ABAT: variants seen among roughly 807,000 people sequenced by gnomAD.
ABAT encodes 4-aminobutyrate aminotransferase, mitochondrial.
A neutral mutation model predicts 64.6 loss-of-function variants in ABAT; 45 were observed. That is an observed-to-expected ratio of 0.70 (90% CI 0.55 to 0.89). The LOEUF (loss-of-function observed/expected upper bound fraction) is 0.89, where lower values mean the gene tolerates loss of function less well. Among genes scored for constraint, ABAT ranks in the 40% least tolerant of loss-of-function variants. The probability of loss-of-function intolerance (pLI) is 0.00; values close to 1 mark genes in which losing one functional copy is unlikely to be tolerated. For missense variants in ABAT, 633 were observed against 658.4 expected, an observed-to-expected ratio of 0.96 and a Z score of 0.42; for synonymous variants, 297 against 250.5, an observed-to-expected ratio of 1.19 and a Z score of -1.75.
chr16:8,754,148 C>T (rs771584667), intron 5 of ABAT, among the ~76,000 whole-genome samples: 30 of 140,238 alleles, frequency 2.1e-4, no homozygotes, highest in Non-Finnish European at 4.2e-4. Flanking sequence ...AGTTTGAGAC[C>T]AGCCTAGCCA....
At chr16:8,684,952 T>A (rs1366837015) in intron 1 of ABAT, among the ~76,000 whole-genome samples, 2 of 150,390 alleles carry the variant, frequency 1.3e-5, no homozygotes, top group Non-Finnish European at 2.9e-5. Context: ...GTCTATCAGT[T>A]TTCTACAACT....
intron 9 of ABAT, among the ~76,000 whole-genome samples, chr16:8,766,861 C>A (rs984479446): frequency 6.6e-6 from 1 of 151,186 alleles, no homozygotes; most frequent in Non-Finnish European, 1.5e-5. Flanking sequence ...TCCAGCTACT[C>A]GGGAGGCTGA....
chr16:8,715,592 C>G (rs1176013967), intron 1 of ABAT: 1 of 144,944 alleles, frequency 6.9e-6, no homozygotes, highest in Admixed American at 7.0e-5. Context: ...ATGATCATGC[C>G]ACTGCACTCC....
chr16:8,722,896 T>G, intron 1 of ABAT: 2 of 1,281,648 alleles, frequency 1.6e-6, no homozygotes, highest in South Asian at 2.5e-5. Flanking sequence ...AATATGGAAC[T>G]CTTAGCACGC....
At chr16:8,775,330 G>A (rs1372648658) in intron 13 of ABAT, among the ~76,000 whole-genome samples, 1 of 152,174 alleles carries the variant, frequency 6.6e-6, no homozygotes, top group Non-Finnish European at 1.5e-5. Flanking sequence ...GCAGCAGACT[G>A]AGCATTTGCT....
chr16:8,776,246 C>G lies in ABAT; in HGVS notation c.1123-98C>G. 2 of 1,534,818 alleles carry G rather than the reference C, an allele frequency of 1.3e-6. No homozygotes were observed. The highest frequency in any genetic ancestry group is 1.8e-6 in the Non-Finnish European group (2 of 1,114,840). On this transcript the variant is annotated intron_variant, in intron 13 of 15. Transcript: ENST00000268251. The surrounding 1 kb of genome is among the most constrained non-coding windows in gnomAD (Gnocchi z 4.4). ...TGGTAGATGCCCACTAGATTAGTTT[C>G]TCTCCTCTTCAAGAGAGGAGGCGGG...
chr16:8,711,681 A>AGGAT (rs1250991902), intron 1 of ABAT, among the ~76,000 whole-genome samples: 1 of 105,788 alleles, frequency 9.5e-6, no homozygotes, highest in African/African-American at 4.0e-5. Flanking sequence ...GGTGGGTGGA[A>AGGAT]GGATGGATGG....
intron 2 of ABAT, chr16:8,738,471 G>C (rs1319795021): frequency 4.4e-6 from 2 of 455,628 alleles, no homozygotes; most frequent in South Asian, 1.5e-5. Flanking sequence ...ACATTGCATT[G>C]ATTTGTCTCA....
Position 8,772,384 on chromosome 16 carries a change from G to C in ABAT, c.817-396G>C, listed in dbSNP as rs114264903. Among the ~76,000 whole-genome samples the C allele has an allele frequency of 2.9e-3, 440 of 151,788 alleles. 1 individual carries two copies. The highest frequency in any genetic ancestry group is 1.0e-2 in the African/African-American group (413 of 41,346). ...TAACAAGGTTAAGTGACAGGTGCAT[G>C]TTCCATGTAAAACAGAGGCAGAACC... On this transcript the variant is annotated intron_variant, in intron 11 of 15. Coordinates refer to ENST00000268251, the MANE Select transcript of ABAT (RefSeq NM_020686.6).
rs1366928728 is a variant in ABAT at position 8,706,337 on chromosome 16, TA to T, written c.-41-29360del. ...GGGAGGATCACCTGAGCCCTGAAGG[TA>T]AGGCTGCAATGAGCTGTGATTTTAC... On this transcript the variant is annotated intron_variant, in intron 1 of 15. Transcript: ENST00000268251. 2.8e-5 allele frequency among the ~76,000 whole-genome samples: 4 copies of T among 141,592 alleles called. No individual in the cohort carries two copies. The Admixed American group carries it at 3.1e-4, about 11-fold the overall frequency. The allele number at this position is 141,592 out of a possible 152,430, so 92.9% of individuals were successfully genotyped here. A position where few individuals can be genotyped will look rare whatever the true frequency, so the allele number is the denominator to read the frequency against.
At chr16:8,715,714 TA>T (rs1166581531) in intron 1 of ABAT, 10 of 151,138 alleles carry the variant, frequency 6.6e-5, no homozygotes, top group African/African-American at 2.2e-4. Context: ...GTATGTTAGA[TA>T]ATAGTATTTA....
chr16:8,764,070 G>C lies in ABAT; in HGVS notation c.368G>C (p.Ser123Thr), dbSNP rs1462781119. The C allele has an allele frequency of 6.2e-7, 1 of 1,613,846 alleles. No homozygotes were observed. Among genetic ancestry groups the C allele is most frequent in the East Asian group, 2.2e-5 (1 of 44,846 alleles). ...LKLIQQPQNA[S>T]MFVNRPALGI... ...CATTTGTCTCTTGCCCTTTTGCAGA[G>C]CATGTTTGTCAACAGACCCGCCCTC... The change falls in exon 7 of 16, where the codon AGC becomes ACC. Residue 123 changes from serine to threonine, a missense_variant and splice_region_variant. Transcript: ENST00000268251. The surrounding 1 kb of genome is among the most constrained non-coding windows in gnomAD (Gnocchi z 4.2).
chr16:8,724,950 T>C (rs1362065580), intron 1 of ABAT, among the ~76,000 whole-genome samples: 10 of 149,862 alleles, frequency 6.7e-5, no homozygotes, highest in Non-Finnish European at 1.2e-4. Context: ...GGAGTCTCAC[T>C]CTGTTGCCCA....
chr16:8,733,920 T>C (rs1289150104), intron 1 of ABAT, among the ~76,000 whole-genome samples: 1 of 152,240 alleles, frequency 6.6e-6, no homozygotes, highest in Admixed American at 6.5e-5. Context: ...TTATTTCACT[T>C]AGCATAATGT....
chr16:8,690,470 T>A (rs1313548410), intron 1 of ABAT, among the ~76,000 whole-genome samples: 1 of 152,192 alleles, frequency 6.6e-6, no homozygotes. Flanking sequence ...AACAATATAT[T>A]TTTCTACATT....
At chr16:8,769,574 AAAAAAG>A (rs1208557459) in intron 11 of ABAT, among the ~76,000 whole-genome samples, 1 of 150,260 alleles carries the variant, frequency 6.7e-6, no homozygotes, top group Non-Finnish European at 1.5e-5. Flanking sequence ...AAAAAAAAAA[AAAAAAG>A]AGAGAGAGAG....
chr16:8,743,138 A>G (rs1333120344), intron 2 of ABAT, among the ~76,000 whole-genome samples: 3 of 151,266 alleles, frequency 2.0e-5, no homozygotes, highest in South Asian at 2.1e-4. Context: ...TCATCCTTAT[A>G]TAAGTATAGT....
chr16:8,690,844 G>C (rs975697786), intron 1 of ABAT, among the ~76,000 whole-genome samples: 7 of 152,194 alleles, frequency 4.6e-5, no homozygotes, highest in Non-Finnish European at 7.3e-5. Flanking sequence ...GGACAGGAGA[G>C]CCAAACATAG....
chr16:8,710,727 A>AGAGAGGGAGAGGGAGG (rs146344975), intron 1 of ABAT, among the ~76,000 whole-genome samples: 3,068 of 103,136 alleles, frequency 0.03, 310 homozygotes, highest in Non-Finnish European at 0.042. Context: ...AGAGAGAGAG[A>AGAGAGGGAGAGGGAGG]GAGGAAATAG....
Sources: gnomAD v4.1 joint callset for allele counts (sites outside exome capture counted in the v4.1 genomes callset) on GRCh38, gnomAD v4.1.1 for gene constraint, Gnocchi (gnomAD v3.1) non-coding constraint, MANE v1.5 for transcripts, NCBI Gene and HGNC (gene_info 2026-07-23, HGNC 2026-07-21) for gene names.